Variants in DRC4 observed in about 807,000 individuals in gnomAD.
The protein encoded by DRC4 is dynein regulatory complex subunit 4, also known as GAS-11.
chr16:90,037,663 C>A, the DRC4 span: 1 of 1,210,726 alleles, frequency 8.3e-7, no homozygotes, highest in Non-Finnish European at 1.2e-6. Flanking sequence ...GTCTTTCTGG[C>A]GATTATTTTT....
chr16:90,026,746 C>T, the DRC4 span, among the ~76,000 whole-genome samples: 3 of 148,708 alleles, frequency 2.0e-5, no homozygotes, highest in African/African-American at 7.5e-5. Flanking sequence ...TGCGGTGGTG[C>T]ACCATAGCTC....
At chr16:90,029,340 C>G in the DRC4 span, 1 of 1,351,538 alleles carries the variant, frequency 7.4e-7, no homozygotes, top group Non-Finnish European at 9.9e-7. Context: ...AGGACAGTTT[C>G]ATCTGTTCAC....
At chr16:90,037,020 C>T in the DRC4 span, 1 of 595,796 alleles carries the variant, frequency 1.7e-6, no homozygotes, top group Non-Finnish European at 3.0e-6. Flanking sequence ...TATAGTCCTT[C>T]AGTCTGCATG....
the DRC4 span, chr16:90,040,198 C>A: frequency 1.8e-6 from 2 of 1,123,848 alleles, no homozygotes; most frequent in Non-Finnish European, 2.6e-6. Context: ...TGTTGGGAGG[C>A]AGCGTGTTCC....
chr16:90,042,023 C>T, the DRC4 span, among the ~76,000 whole-genome samples: 17 of 151,922 alleles, frequency 1.1e-4, no homozygotes, highest in Non-Finnish European at 2.2e-4. Flanking sequence ...CTGCAACCTC[C>T]GTTTCCCAGG....
At chr16:90,027,764 G>A in the DRC4 span, 3 of 1,577,894 alleles carry the variant, frequency 1.9e-6, no homozygotes, top group East Asian at 4.5e-5. Context: ...GGTGGGCGTG[G>A]GCGGGCACCA....
the DRC4 span, chr16:90,037,230 A>C: frequency 6.2e-7 from 1 of 1,606,946 alleles, no homozygotes; most frequent in Non-Finnish European, 8.5e-7. Flanking sequence ...TTGTGCCTGC[A>C]GGAGCAGATG....
chr16:90,044,177 T>C, the DRC4 span: 3 of 454,574 alleles, frequency 6.6e-6, no homozygotes, highest in Admixed American at 2.4e-5. Flanking sequence ...GGCTCCAGTG[T>C]GGGGTGAGGC....
At chr16:90,040,745 G>C in the DRC4 span, among the ~76,000 whole-genome samples, 4 of 101,986 alleles carry the variant, frequency 3.9e-5, no homozygotes, top group Admixed American at 9.8e-5. Context: ...GGCTGGAGGG[G>C]GCTGGTTGGG....
At chr16:90,025,649 C>CAAA in the DRC4 span, among the ~76,000 whole-genome samples, 29 of 45,900 alleles carry the variant, frequency 6.3e-4, no homozygotes, top group Admixed American at 8.2e-4. Flanking sequence ...GACTCTGTCT[C>CAAA]AAAAAAAAAA....
the DRC4 span, chr16:90,035,648 A>T: frequency 6.2e-7 from 1 of 1,614,000 alleles, no homozygotes; most frequent in African/African-American, 1.3e-5. Context: ...CACCGAGGAG[A>T]TCACCAGGAT....
chr16:90,027,931 C>G, the DRC4 span: 6 of 572,898 alleles, frequency 1.0e-5, no homozygotes, highest in Admixed American at 6.2e-5. Context: ...TGTGAAAGAG[C>G]TTTGTAACAG....
At chr16:90,032,176 C>T in the DRC4 span, among the ~76,000 whole-genome samples, 2 of 145,784 alleles carry the variant, frequency 1.4e-5, no homozygotes, top group African/African-American at 2.6e-5. Context: ...CAGGGGGGTA[C>T]AGGTATGTAC....
At chr16:90,024,123 T>TACACACACACAC in the DRC4 span, among the ~76,000 whole-genome samples, 8,412 of 139,204 alleles carry the variant, frequency 0.06, 404 homozygotes, top group South Asian at 0.079. Flanking sequence ...TTACTAAAAA[T>TACACACACACAC]ACACACACAC....
the DRC4 span, chr16:90,043,787 C>T: frequency 0.017 from 8,003 of 470,696 alleles, 352 homozygotes; most frequent in South Asian, 0.093. Flanking sequence ...TCCAGGGGGC[C>T]GGGACTTCCC....
the DRC4 span, chr16:90,042,633 G>A: frequency 5.2e-5 from 51 of 986,836 alleles, no homozygotes; most frequent in East Asian, 4.8e-4. Context: ...TGCCCACTTC[G>A]TACCTCGTTT....
chr16:90,020,193 G>A, the DRC4 span: 1 of 497,246 alleles, frequency 2.0e-6, no homozygotes, highest in East Asian at 3.4e-5. Context: ...AAGAAAGTCC[G>A]TTTGCAGGAG....
the DRC4 span, among the ~76,000 whole-genome samples, chr16:90,025,265 C>A: frequency 2.6e-5 from 4 of 151,006 alleles, no homozygotes; most frequent in African/African-American, 7.3e-5. Context: ...GTGATCCGCC[C>A]GCCTCAGCCT....
the DRC4 span, chr16:90,042,179 G>T: frequency 1.8e-4 from 90 of 491,238 alleles, 2 homozygotes; most frequent in South Asian, 1.4e-3. Flanking sequence ...CAAGTGATCT[G>T]CCCTCCTTGG....
Sources: allele counts gnomAD v4.1 joint callset (sites outside exome capture counted in the v4.1 genomes callset), GRCh38; gene constraint gnomAD v4.1.1; transcripts MANE v1.5; gene names NCBI Gene and HGNC (gene_info 2026-07-23, HGNC 2026-07-21).